IL15: variants seen among roughly 807,000 people sequenced by gnomAD.
The protein encoded by IL15 is interleukin 15.
A neutral mutation model predicts 19.6 loss-of-function variants in IL15; 11 were observed. That is an observed-to-expected ratio of 0.56 (90% CI 0.35 to 0.93). The LOEUF (loss-of-function observed/expected upper bound fraction) is 0.93, where lower values mean the gene tolerates loss of function less well. Ranked by LOEUF, IL15 falls within the 40% of genes least tolerant of loss-of-function variation. The pLI, the probability that IL15 is intolerant of heterozygous loss-of-function variation, is 0.01. For missense variants in IL15, 197 were observed against 186.5 expected, an observed-to-expected ratio of 1.06 and a Z score of -0.33; for synonymous variants, 58 against 59.6, an observed-to-expected ratio of 0.97 and a Z score of 0.12.
chr4:141,663,119 ATT>A, intron 2 of IL15, among the ~76,000 whole-genome samples: 1 of 152,164 alleles, frequency 6.6e-6, no homozygotes, highest in East Asian at 1.9e-4. Flanking sequence ...TATTAAAATA[ATT>A]TATCATATTA....
At chr4:141,669,700 T>C (rs551264423) in intron 2 of IL15, among the ~76,000 whole-genome samples, 1 of 152,208 alleles carries the variant, frequency 6.6e-6, no homozygotes, top group Non-Finnish European at 1.5e-5. Flanking sequence ...GGCAAACTTT[T>C]TCTGTAAAAT....
At chr4:141,700,893 C>G (rs1729271988) in intron 2 of IL15, among the ~76,000 whole-genome samples, 1 of 152,052 alleles carries the variant, frequency 6.6e-6, no homozygotes, top group African/African-American at 2.4e-5. Context: ...ATTCATTCTT[C>G]TATTTGTTCT....
At position 141,721,963 on chromosome 4, in the gene IL15, G is replaced by A; in HGVS notation, c.150G>A (p.Trp50Ter). The A allele has an allele frequency of 6.3e-7, 1 of 1,594,566 alleles. No individual in the cohort carries two copies. The highest frequency in any genetic ancestry group is 8.6e-7 in the Non-Finnish European group (1 of 1,165,546). The part of the protein sequence containing the change: ...SAGLPKTEAN[W>*]VNVISDLKKI... ...GGCTTCCTAAAACAGAAGCCAACTGGGTGAATGTAATAAGTGATTTGAAAA... is the reference window on the plus strand; with the variant it reads ...GGCTTCCTAAAACAGAAGCCAACTGAGTGAATGTAATAAGTGATTTGAAAA... Residue 50 changes from tryptophan (W) to a stop codon, truncating the protein, a stop_gained, in exon 5 of 8, where the codon TGG becomes TGA. Transcript: ENST00000320650. LOFTEE classifies it high-confidence loss of function.
intron 1 of IL15, among the ~76,000 whole-genome samples, chr4:141,654,037 T>C (rs1268203182): frequency 6.6e-6 from 1 of 152,222 alleles, no homozygotes; most frequent in African/African-American, 2.4e-5. Context: ...AATACACTAT[T>C]GTTTTAGGTC....
intron 2 of IL15, among the ~76,000 whole-genome samples, chr4:141,698,806 T>A (rs184891228): frequency 7.2e-5 from 11 of 152,066 alleles, no homozygotes; most frequent in African/African-American, 1.7e-4. Context: ...TTATCTTTTG[T>A]ATTTTTTTCT....
chr4:141,720,665 A>G (rs934364821), intron 4 of IL15, 99 bp downstream of exon 4: 9 of 770,334 alleles, frequency 1.2e-5, no homozygotes, highest in Admixed American at 2.0e-5. Context: ...CAGTTTGCTT[A>G]TATCTCTAGG....
chr4:141,656,139 C>G (rs1727586704), intron 1 of IL15, 47 bp from the exon 2 acceptor site: 1 of 397,796 alleles, frequency 2.5e-6, no homozygotes, highest in Non-Finnish European at 4.4e-6. Flanking sequence ...GAGGATTACT[C>G]AATACATAAT....
chr4:141,687,926 C>T (rs1008077663), intron 2 of IL15, among the ~76,000 whole-genome samples: 1 of 152,044 alleles, frequency 6.6e-6, no homozygotes, highest in African/African-American at 2.4e-5. Context: ...TAGTGGATAC[C>T]GTTCTGTGTC....
At chr4:141,680,513 A>G (rs1036269665) in intron 2 of IL15, among the ~76,000 whole-genome samples, 1 of 152,028 alleles carries the variant, frequency 6.6e-6, no homozygotes, top group African/African-American at 2.4e-5. Context: ...TGTCTTGGCT[A>G]TAAAGTAAAG....
chr4:141,685,898 A>G (rs143689721), intron 2 of IL15, among the ~76,000 whole-genome samples: 217 of 152,252 alleles, frequency 1.4e-3, no homozygotes, highest in African/African-American at 4.9e-3. Flanking sequence ...TCTTACTGTT[A>G]CAGCCATTGG....
At chr4:141,706,233 A>T (rs1729510608) in intron 2 of IL15, among the ~76,000 whole-genome samples, 1 of 151,664 alleles carries the variant, frequency 6.6e-6, no homozygotes, top group Non-Finnish European at 1.5e-5. Flanking sequence ...TATATGTGTT[A>T]TATCTTTCTT....
At chr4:141,671,450 A>G (rs1248986285) in intron 2 of IL15, among the ~76,000 whole-genome samples, 1 of 152,216 alleles carries the variant, frequency 6.6e-6, no homozygotes, top group Non-Finnish European at 1.5e-5. Context: ...GTGTTGTGTG[A>G]TAAACCATAT....
intron 5 of IL15, among the ~76,000 whole-genome samples, chr4:141,726,497 A>G (rs1248615696): frequency 6.6e-6 from 1 of 152,156 alleles, no homozygotes; most frequent in Non-Finnish European, 1.5e-5. Flanking sequence ...ATTGCTGGTG[A>G]TGATGTAAAA....
chr4:141,713,770 G>T (rs2152187059), intron 2 of IL15, among the ~76,000 whole-genome samples: 1 of 152,190 alleles, frequency 6.6e-6, no homozygotes, highest in Middle Eastern at 3.4e-3. Context: ...CCTTTATGAA[G>T]TCCTATCATA....
At chr4:141,711,084 G>T (rs1244717729) in intron 2 of IL15, among the ~76,000 whole-genome samples, 2 of 152,042 alleles carry the variant, frequency 1.3e-5, no homozygotes, top group Non-Finnish European at 2.9e-5. Context: ...CATGGTTGTG[G>T]TAGTAATTTC....
At chr4:141,682,419 C>A (rs373454312) in intron 2 of IL15, among the ~76,000 whole-genome samples, 65 of 152,218 alleles carry the variant, frequency 4.3e-4, no homozygotes, top group African/African-American at 1.5e-3. Context: ...GTTACATAAA[C>A]CTTTTGACCA....
intron 2 of IL15, among the ~76,000 whole-genome samples, chr4:141,693,319 T>C (rs945356199): frequency 6.6e-6 from 1 of 152,094 alleles, no homozygotes; most frequent in African/African-American, 2.4e-5. Context: ...CCTCGACACA[T>C]GGGCATTACA....
At chr4:141,679,607 A>C (rs113069235) in intron 2 of IL15, among the ~76,000 whole-genome samples, 3,651 of 152,278 alleles carry the variant, frequency 0.024, 154 homozygotes, top group African/African-American at 0.082. Context: ...TAATTCATGC[A>C]TGATTGTGCT....
chr4:141,685,199 C>G (rs922424628), intron 2 of IL15, among the ~76,000 whole-genome samples: 1 of 152,064 alleles, frequency 6.6e-6, no homozygotes, highest in African/African-American at 2.4e-5. Flanking sequence ...GGTCCTAGGA[C>G]CCCCCTAGAG....
Sources: allele counts gnomAD v4.1 joint callset (sites outside exome capture counted in the v4.1 genomes callset), GRCh38; gene constraint gnomAD v4.1.1; transcripts MANE v1.5; gene names NCBI Gene and HGNC (gene_info 2026-07-23, HGNC 2026-07-21).